Variants in MYT1L observed in about 807,000 individuals in gnomAD.
The protein encoded by MYT1L is myelin transcription factor 1 like, also known as myelin transcription factor 1-like protein.
A neutral mutation model predicts 126.7 loss-of-function variants in MYT1L; 12 were observed. The observed-to-expected ratio is 0.09, with a 90% CI of 0.06 to 0.15. MYT1L has a LOEUF of 0.15. Among genes scored for constraint, MYT1L ranks in the 10% least tolerant of loss-of-function variants. The pLI, the probability that MYT1L is intolerant of heterozygous loss-of-function variation, is 1.00. For missense variants in MYT1L, 979 were observed against 1,585.2 expected (o/e 0.62, Z 6.49); for synonymous variants, 541 against 604.2 (o/e 0.90, Z 1.53).
At chr2:2,104,302 C>A (rs764085347) in intron 3 of MYT1L, among the ~76,000 whole-genome samples, 2 of 152,162 alleles carry the variant, frequency 1.3e-5, no homozygotes, top group Non-Finnish European at 2.9e-5. Flanking sequence ...GTGTTAATCT[C>A]AATTGATGAT....
intron 1 of MYT1L, among the ~76,000 whole-genome samples, chr2:2,300,946 T>C (rs74473025): frequency 6.6e-6 from 1 of 152,178 alleles, no homozygotes; most frequent in African/African-American, 2.4e-5. Context: ...GAGCTACTGG[T>C]CACAGCAAGC....
At chr2:1,851,552 T>G (rs1192532345) in intron 19 of MYT1L, 89 bp downstream of exon 19, 2 of 1,336,590 alleles carry the variant, frequency 1.5e-6, no homozygotes, top group Non-Finnish European at 2.1e-6. Flanking sequence ...GTGTCAAACT[T>G]CGCAAGGCTT....
chr2:2,301,821 TGTCTA>T (rs1180924436), intron 1 of MYT1L, among the ~76,000 whole-genome samples: 2 of 142,574 alleles, frequency 1.4e-5, no homozygotes, highest in African/African-American at 2.6e-5. Context: ...AGACCCTGTC[TGTCTA>T]AAAAAAAAAA....
At chr2:2,299,681 C>T (rs1048675140) in intron 1 of MYT1L, among the ~76,000 whole-genome samples, 43 of 152,210 alleles carry the variant, frequency 2.8e-4, no homozygotes, top group African/African-American at 1.0e-3. Context: ...AGCACCCGAA[C>T]TGTTAATCAC....
At chr2:2,101,818 G>C (rs755566678) in intron 3 of MYT1L, among the ~76,000 whole-genome samples, 11 of 152,190 alleles carry the variant, frequency 7.2e-5, no homozygotes, top group Non-Finnish European at 1.6e-4. Context: ...TGCATTTAAA[G>C]TACTTCATAA....
At chr2:1,858,365 A>ATCCGACTGC (rs146196645) in intron 18 of MYT1L, among the ~76,000 whole-genome samples, 69,076 of 151,544 alleles carry the variant, frequency 0.46, 17,047 homozygotes, top group Middle Eastern at 0.67. Flanking sequence ...GATCCTCTGC[A>ATCCGACTGC]TCCGACTGCT....
At chr2:1,850,630 T>C (rs995981768) in intron 19 of MYT1L, among the ~76,000 whole-genome samples, 3 of 152,162 alleles carry the variant, frequency 2.0e-5, no homozygotes, top group African/African-American at 7.2e-5. Flanking sequence ...GACCTTGGCT[T>C]CCCTCTCTGT....
rs545804144 is a variant in MYT1L, at chr2:2,074,042, A to G, written c.-303-19919T>C. On this transcript the variant is annotated intron_variant, in intron 3 of 24. Transcript: ENST00000647738. ...CATGCAAGGCACAAGGCCTAGCAAGAGGAAATCATTCAATGAATGTTTATT... is the reference window on the plus strand; with the variant it reads ...CATGCAAGGCACAAGGCCTAGCAAGGGGAAATCATTCAATGAATGTTTATT... Among the ~76,000 whole-genome samples, 5 of 152,356 alleles carry G rather than the reference A, an allele frequency of 3.3e-5. No individual in the cohort carries two copies. The South Asian group carries it at 1.0e-3, about 32-fold the overall frequency.
At position 2,178,561 on chromosome 2, in the gene MYT1L, A is replaced by C. The variant is rs577190301; in HGVS notation, c.-420-5573T>G. Among the ~76,000 whole-genome samples, 805 of 152,286 alleles carry C rather than the reference A, an allele frequency of 5.3e-3. 8 individuals carry two copies. Among genetic ancestry groups the C allele is most frequent in the African/African-American group, 0.019 (773 of 41,554 alleles). On this transcript the variant is annotated intron_variant, in intron 2 of 24. Coordinates refer to ENST00000647738, the MANE Select transcript of MYT1L (RefSeq NM_001303052.2). ...CCCTCGCCCTCCTTCCTTCTGCAGGAAGGTGTTGGTGAGGTGGGCCTTTGG... is the reference window on the plus strand; with the variant it reads ...CCCTCGCCCTCCTTCCTTCTGCAGGCAGGTGTTGGTGAGGTGGGCCTTTGG...
rs573207247 is a variant in MYT1L at position 1,929,545 on chromosome 2, T to A, written c.506-6282A>T. On this transcript the variant is annotated intron_variant, in intron 9 of 24. Transcript: ENST00000647738. This position sits in a 1 kb window ranked among gnomAD's most constrained non-coding sequence, Gnocchi z 4.7. Reference sequence around the variant, plus strand: ...TTCCCTACTACATCTAACTCAGCAGTGCTTCTGTGTGTCTTATTTCCAGTA... The same window carrying A: ...TTCCCTACTACATCTAACTCAGCAGAGCTTCTGTGTGTCTTATTTCCAGTA... Among the ~76,000 whole-genome samples the A allele has an allele frequency of 6.6e-6, 1 of 152,354 alleles. No individual in the cohort carries two copies. Among genetic ancestry groups the A allele is most frequent in the Admixed American group, 6.5e-5 (1 of 15,308 alleles).
At chr2:1,870,833 C>A (rs79828746) in intron 18 of MYT1L, among the ~76,000 whole-genome samples, 1 of 152,192 alleles carries the variant, frequency 6.6e-6, no homozygotes, top group Non-Finnish European at 1.5e-5. Flanking sequence ...GTACAATATT[C>A]ATTTCTGAAA....
intron 3 of MYT1L, among the ~76,000 whole-genome samples, chr2:2,086,527 C>T (rs764855561): frequency 1.4e-4 from 22 of 152,130 alleles, no homozygotes; most frequent in Non-Finnish European, 2.5e-4. Context: ...TTAATTTGTA[C>T]TCACTTTGTA....
intron 8 of MYT1L, among the ~76,000 whole-genome samples, chr2:1,963,643 A>C (rs775036149): frequency 2.0e-5 from 3 of 152,234 alleles, no homozygotes; most frequent in Non-Finnish European, 2.9e-5. Flanking sequence ...TAGCTTCTCC[A>C]TCAGCACTTG....
At chr2:2,019,919 G>A (rs1044650435) in intron 4 of MYT1L, among the ~76,000 whole-genome samples, 3 of 152,064 alleles carry the variant, frequency 2.0e-5, no homozygotes, top group Admixed American at 1.3e-4. Flanking sequence ...ATCTCAGCTC[G>A]CTGCAACCTC....
chr2:2,133,617 G>C (rs929384557), intron 3 of MYT1L, among the ~76,000 whole-genome samples: 2 of 152,164 alleles, frequency 1.3e-5, no homozygotes, highest in African/African-American at 4.8e-5. Flanking sequence ...AATTTTAAAA[G>C]GGGATAAATA....
chr2:1,972,487 T>A (rs941626463), intron 8 of MYT1L, among the ~76,000 whole-genome samples: 11 of 152,358 alleles, frequency 7.2e-5, no homozygotes, highest in Non-Finnish European at 1.0e-4. Context: ...CTTCTTTTTT[T>A]ATTTATTTTT....
At chr2:1,836,376 CAA>C (rs1215967951) in intron 21 of MYT1L, among the ~76,000 whole-genome samples, 1 of 150,454 alleles carries the variant, frequency 6.6e-6, no homozygotes, top group Non-Finnish European at 1.5e-5. Context: ...ATCAATCTGC[CAA>C]GAGTCCATCA....
intron 2 of MYT1L, among the ~76,000 whole-genome samples, chr2:2,186,143 G>A (rs2092151124): frequency 7.4e-6 from 1 of 135,982 alleles, no homozygotes; most frequent in African/African-American, 3.1e-5. Context: ...TGAGGGGGAC[G>A]CAGCCGGGCC....
rs553861621 is a variant in MYT1L, at chr2:2,273,050, C to T, written c.-421+11354G>A. Among the ~76,000 whole-genome samples the T allele has an allele frequency of 5.9e-5, 9 of 152,224 alleles. No homozygotes were observed. The South Asian group carries it at 6.2e-4, about 11-fold the overall frequency. ...GGAGCTCTCAGGGGCCTGTGCCTTCCGGGCCCCTTGCTGTCTCTCACGGAA... is the reference window on the plus strand; with the variant it reads ...GGAGCTCTCAGGGGCCTGTGCCTTCTGGGCCCCTTGCTGTCTCTCACGGAA... On this transcript the variant is annotated intron_variant, in intron 2 of 24. Coordinates refer to ENST00000647738, the MANE Select transcript of MYT1L (RefSeq NM_001303052.2).
Sources: allele counts gnomAD v4.1 joint callset (sites outside exome capture counted in the v4.1 genomes callset), GRCh38; gene constraint gnomAD v4.1.1; non-coding constraint Gnocchi (gnomAD v3.1); transcripts MANE v1.5; gene names NCBI Gene and HGNC (gene_info 2026-07-23, HGNC 2026-07-21).